Variants in NCOR1 observed in about 807,000 individuals in gnomAD.
The protein encoded by NCOR1 is nuclear receptor corepressor 1, also known as protein phosphatase 1, regulatory subunit 109.
Under a neutral mutation model 288.1 loss-of-function variants are expected in NCOR1, and 63 were observed. The ratio of observed to expected loss-of-function variants is 0.22; its 90% CI spans 0.18 to 0.27. NCOR1 has a LOEUF of 0.27. NCOR1 is among the 10% of genes least tolerant of loss of function. The pLI, the probability that NCOR1 is intolerant of heterozygous loss-of-function variation, is 1.00. For missense variants in NCOR1, 2,397 were observed against 3,019.2 expected (o/e 0.79, Z 4.83); for synonymous variants, 1,007 against 1,065.9 (o/e 0.94, Z 1.08).
chr17:16,075,805 A>C (rs2062372825), intron 26 of NCOR1, 103 bp from the exon 27 acceptor site: 1 of 1,262,720 alleles, frequency 7.9e-7, no homozygotes. Flanking sequence ...GCTAATCTAT[A>C]GCTTCAAAGA....
chr17:16,035,129 A>C (rs1973983410), intron 44 of NCOR1, among the ~76,000 whole-genome samples, 185 bp from the exon 45 acceptor site: 1 of 152,212 alleles, frequency 6.6e-6, no homozygotes, highest in African/African-American at 2.4e-5. Flanking sequence ...TTAGTAAGTC[A>C]CAATTATTTT....
chr17:16,093,978 C>T (rs1236826512), intron 21 of NCOR1, among the ~76,000 whole-genome samples: 1 of 152,064 alleles, frequency 6.6e-6, no homozygotes, highest in African/African-American at 2.4e-5. Flanking sequence ...TGCCATCTCA[C>T]CTCACCACAA....
At position 16,048,958 on chromosome 17, in the gene NCOR1, G is replaced by T; in HGVS notation, c.6423C>A (p.His2141Gln). The T allele has an allele frequency of 6.2e-7, 1 of 1,611,762 alleles. No homozygotes were observed. Among genetic ancestry groups the T allele is most frequent in the South Asian group, 1.1e-5 (1 of 90,786 alleles). ...TGGGCTCGTAGGGCTCCGAAGAGAC[G>T]TGACTCCTCTCTGGGGATTTTCCAG... ...SRPGKSPERS[H>Q]VSSEPYEPIS... Residue 2141 changes from histidine to glutamine, a missense_variant, in exon 41 of 46, where the codon CAC becomes CAA. His to Gln is a conservative substitution (Grantham distance 24). This residue lies in a region of NCOR1 where 1,872 missense variants were observed against 2,187.8 expected (regional missense o/e 0.86). Coordinates refer to ENST00000268712, the MANE Select transcript of NCOR1 (RefSeq NM_006311.4).
Position 16,046,991 on chromosome 17 carries a change from A to G in NCOR1, c.6639T>C (p.Phe2213=), listed in dbSNP as rs1395742850. The part of the protein sequence containing the change: ...PMVKSKKQEI[F]RKLNSSGGGD... ...CTCCACCAGAGGAGTTCAACTTACG[A>G]AAAATCTCCTGCTTCTTTGATTTAA... Residue 2213 remains phenylalanine, a synonymous_variant, in exon 42 of 46, where the codon TTT becomes TTC. Coordinates refer to ENST00000268712, the MANE Select transcript of NCOR1 (RefSeq NM_006311.4). The G allele has an allele frequency of 4.3e-6, 7 of 1,614,150 alleles. No individual in the cohort carries two copies. The highest frequency in any genetic ancestry group is 5.9e-6 in the Non-Finnish European group (7 of 1,179,998).
intron 24 of NCOR1, 27 bp from the exon 25 acceptor site, chr17:16,080,536 C>T (rs2063234217): frequency 2.5e-6 from 4 of 1,613,760 alleles, no homozygotes; most frequent in African/African-American, 2.7e-5. Flanking sequence ...AAACATGAAA[C>T]AATCCAGTAC....
chr17:16,066,170 T>C (rs746008264), intron 32 of NCOR1, among the ~76,000 whole-genome samples: 1 of 152,190 alleles, frequency 6.6e-6, no homozygotes, highest in Non-Finnish European at 1.5e-5. Context: ...TTGGCAAACT[T>C]TTGACATAAA....
chr17:16,079,285 T>C (rs527273451), intron 26 of NCOR1, among the ~76,000 whole-genome samples: 8 of 152,210 alleles, frequency 5.3e-5, no homozygotes, highest in African/African-American at 1.9e-4. Context: ...TCTTAGAGGA[T>C]AGTAACTAGA....
At chr17:16,107,538 G>A (rs1034215540) in intron 19 of NCOR1, among the ~76,000 whole-genome samples, 9 of 152,152 alleles carry the variant, frequency 5.9e-5, no homozygotes, top group East Asian at 1.9e-4. Flanking sequence ...CTCCAGAACC[G>A]TGAGAAAATT....
intron 28 of NCOR1, among the ~76,000 whole-genome samples, chr17:16,072,729 C>T (rs933415060): frequency 3.3e-5 from 5 of 152,122 alleles, no homozygotes; most frequent in Admixed American, 1.3e-4. Flanking sequence ...CACATATTTA[C>T]AGTAAAAGTG....
intron 9 of NCOR1, among the ~76,000 whole-genome samples, chr17:16,147,063 A>G (rs572995782): frequency 6.6e-6 from 1 of 152,334 alleles, no homozygotes; most frequent in East Asian, 1.9e-4. Context: ...GCTATATAAC[A>G]AACATTTTGA....
intron 23 of NCOR1, 93 bp from the exon 24 acceptor site, chr17:16,080,820 T>C: frequency 9.7e-6 from 9 of 927,498 alleles, no homozygotes; most frequent in Non-Finnish European, 1.3e-5. Flanking sequence ...CATTTCTGTT[T>C]AAAAAAAAAA....
rs1429313953 is a variant in NCOR1 at position 16,041,460 on chromosome 17, C to G, written c.6680-966G>C. 3.8e-5 allele frequency among the ~76,000 whole-genome samples: 5 copies of G among 132,502 alleles called. No homozygotes were observed. In the Admixed American group the frequency reaches 4.2e-4, roughly 11 times the overall value. The allele number at this position is 132,502 out of a possible 152,430, so 86.9% of individuals were successfully genotyped here. A position where few individuals can be genotyped will look rare whatever the true frequency, so the allele number is the denominator to read the frequency against. ...TGGTGTTTTATTCTTGTCACCCAGG[C>G]TGGAGTGCAATGGCGTGATCTAGGC... On this transcript the variant is annotated intron_variant, in intron 42 of 45. Coordinates refer to ENST00000268712, the MANE Select transcript of NCOR1 (RefSeq NM_006311.4).
Position 16,032,251 on chromosome 17 carries a change from C to CTA in NCOR1, c.*43_*44dup. 1 of 1,511,382 alleles carries CTA rather than the reference C, an allele frequency of 6.6e-7. No homozygotes were observed. Among genetic ancestry groups the CTA allele is most frequent in the South Asian group, 1.4e-5 (1 of 73,788 alleles). 93.6% of individuals were successfully genotyped at this position (1,511,382 alleles called of 1,614,324 possible). A position where few individuals can be genotyped will look rare whatever the true frequency, so the allele number is the denominator to read the frequency against. ...GCTACTAAAAATTAAACCACAAAAACTAGAGATCCCTCTCCTGCACCCTGT... is the reference window on the plus strand; with the variant it reads ...GCTACTAAAAATTAAACCACAAAAACTATAGAGATCCCTCTCCTGCACCCTGT... On this transcript the variant is annotated 3_prime_UTR_variant, in exon 46 of 46. Coordinates refer to ENST00000268712, the MANE Select transcript of NCOR1 (RefSeq NM_006311.4).
rs2153348830 is a variant in NCOR1 at position 16,146,530 on chromosome 17, G to A, written c.928C>T (p.Arg310Cys). The A allele has an allele frequency of 6.3e-7, 1 of 1,582,786 alleles. No individual in the cohort carries two copies. Among genetic ancestry groups the A allele is most frequent in the Non-Finnish European group, 8.5e-7 (1 of 1,170,400 alleles). Residue 310 changes from arginine to cysteine, a missense_variant, in exon 10 of 46, where the codon CGT becomes TGT. Physicochemically the swap from Arg to Cys is radical, Grantham distance 180. This residue lies in a region of NCOR1 where 51 missense variants were observed against 127.6 expected (regional missense o/e 0.40). Coordinates refer to ENST00000268712, the MANE Select transcript of NCOR1 (RefSeq NM_006311.4). ...RKQREQKICQRYDQLMEAWEK... is the reference protein window; with the variant it reads ...RKQREQKICQCYDQLMEAWEK... ...CATGCCTCCATGAGCTGATCATAAC[G>A]CTGGCAGATTTTTTGTTCCTATTAA... is the stretch of plus-strand genomic sequence containing the variant.
At chr17:16,175,531 A>T (rs1266901952) in intron 3 of NCOR1, among the ~76,000 whole-genome samples, 2 of 152,188 alleles carry the variant, frequency 1.3e-5, no homozygotes, top group Non-Finnish European at 2.9e-5. Context: ...ACTTTAAAGA[A>T]TTTTAAAGCA....
chr17:16,101,131 A>G, intron 20 of NCOR1, 119 bp downstream of exon 20: 1 of 982,628 alleles, frequency 1.0e-6, no homozygotes, highest in Non-Finnish European at 1.5e-6. Flanking sequence ...AAAATTGTAC[A>G]GACTACCTAT....
intron 15 of NCOR1, among the ~76,000 whole-genome samples, chr17:16,123,172 C>T (rs1237135830): frequency 2.6e-5 from 4 of 152,144 alleles, no homozygotes; most frequent in African/African-American, 4.8e-5. Context: ...CCTTGCTCCA[C>T]GTCACTCTCT....
At chr17:16,114,150 A>AC (rs2070996354) in intron 18 of NCOR1, among the ~76,000 whole-genome samples, 1 of 124,880 alleles carries the variant, frequency 8.0e-6, no homozygotes, top group African/African-American at 3.8e-5. Flanking sequence ...AGGCAAAAAA[A>AC]AAAAAAAAAA....
chr17:16,127,558 T>TATATCTGCATGTATATATACATATGTGC (rs2074738120), intron 14 of NCOR1, among the ~76,000 whole-genome samples: 1 of 138,868 alleles, frequency 7.2e-6, no homozygotes, highest in Non-Finnish European at 1.5e-5. Flanking sequence ...TACACATGTG[T>TATATCTGCATGTATATATACATATGTGC]ATATATGTAT....
Sources: allele counts gnomAD v4.1 joint callset (sites outside exome capture counted in the v4.1 genomes callset), GRCh38; gene constraint gnomAD v4.1.1; regional missense constraint gnomAD v4.1.1; transcripts MANE v1.5; gene names NCBI Gene and HGNC (gene_info 2026-07-23, HGNC 2026-07-21).